Variants in AMPH observed in about 807,000 individuals in gnomAD.
AMPH encodes the protein amphiphysin (Stiff-Mann syndrome with breast cancer 128kD autoantigen).
In AMPH, 49 loss-of-function variants were observed where a neutral mutation model predicts 99.1. The observed-to-expected ratio is 0.49, with a 90% CI of 0.39 to 0.63. The LOEUF (loss-of-function observed/expected upper bound fraction) is 0.63. AMPH is among the 20% of genes least tolerant of loss of function. The pLI, the probability that AMPH is intolerant of heterozygous loss-of-function variation, is 0.00. For missense variants in AMPH, 759 were observed against 863.4 expected (o/e 0.88, Z 1.52); for synonymous variants, 314 against 317.3 (o/e 0.99, Z 0.11).
In AMPH at chr7:38,461,290, G is replaced by T. The variant is rs1391062409; in HGVS notation, c.1010C>A (p.Pro337His). Reference protein sequence around the residue: ...NFVPEISVTTPSQNEVPEVKK... With the variant: ...NFVPEISVTTHSQNEVPEVKK... ...CCTGAACCAGGCACTTACCTGGGAA[G>T]GTGTTGTCACACTGATTTCTGGAAC... The change falls in exon 11 of 21, where the codon CCT becomes CAT. Residue 337 changes from proline to histidine, a missense_variant. Transcript: ENST00000356264. The T allele has an allele frequency of 1.2e-6, 2 of 1,613,688 alleles. No homozygotes were observed. Among genetic ancestry groups the T allele is most frequent in the East Asian group, 4.5e-5 (2 of 44,894 alleles).
intron 2 of AMPH, among the ~76,000 whole-genome samples, chr7:38,527,263 G>C (rs1038793361): frequency 6.6e-6 from 1 of 152,104 alleles, no homozygotes; most frequent in Non-Finnish European, 1.5e-5. Flanking sequence ...GTAAATTTTA[G>C]AATAAGTTTA....
At chr7:38,496,700 G>A (rs780629284) in intron 3 of AMPH, among the ~76,000 whole-genome samples, 3 of 152,104 alleles carry the variant, frequency 2.0e-5, no homozygotes, top group Non-Finnish European at 4.4e-5. Flanking sequence ...CCAAGTACAA[G>A]CAAATCTCTA....
chr7:38,443,953 C>CA (rs962720540), intron 11 of AMPH, among the ~76,000 whole-genome samples: 92 of 151,536 alleles, frequency 6.1e-4, no homozygotes, highest in African/African-American at 2.2e-3. Flanking sequence ...ATAAAATCTA[C>CA]AAAAAAGCTA....
chr7:38,496,269 C>T (rs1212942101), intron 3 of AMPH, among the ~76,000 whole-genome samples: 1 of 152,188 alleles, frequency 6.6e-6, no homozygotes, highest in African/African-American at 2.4e-5. Flanking sequence ...TAAAAGATGT[C>T]TGAAATGACA....
chr7:38,422,328 ATAT>A (rs1785608373), intron 16 of AMPH, 90 bp downstream of exon 16: 1 of 1,024,064 alleles, frequency 9.8e-7, no homozygotes, highest in South Asian at 1.5e-5. Flanking sequence ...CACATTCTGG[ATAT>A]TCAAACTCTA....
intron 1 of AMPH, among the ~76,000 whole-genome samples, chr7:38,621,462 T>A (rs1045022256): frequency 6.6e-6 from 1 of 152,150 alleles, no homozygotes; most frequent in Non-Finnish European, 1.5e-5. Context: ...TTCTACCAAA[T>A]TGACTTGACA....
At chr7:38,525,773 C>A (rs538559643) in intron 2 of AMPH, among the ~76,000 whole-genome samples, 1 of 152,002 alleles carries the variant, frequency 6.6e-6, no homozygotes, top group African/African-American at 2.4e-5. Flanking sequence ...GGTGTGTGGC[C>A]GTAGTTATTT....
chr7:38,480,719 T>C (rs1450251502), intron 5 of AMPH, among the ~76,000 whole-genome samples: 1 of 152,168 alleles, frequency 6.6e-6, no homozygotes, highest in Non-Finnish European at 1.5e-5. Flanking sequence ...CAATTAGGTA[T>C]GGTGAACACC....
intron 5 of AMPH, among the ~76,000 whole-genome samples, chr7:38,482,162 T>C (rs1788307633): frequency 6.6e-6 from 1 of 152,170 alleles, no homozygotes; most frequent in East Asian, 1.9e-4. Context: ...TTATATGGCT[T>C]CACAATTATC....
chr7:38,480,174 T>C lies in AMPH; in HGVS notation c.397-3205A>G, dbSNP rs189763968. Among the ~76,000 whole-genome samples the C allele has an allele frequency of 6.6e-5, 10 of 152,272 alleles. No homozygotes were observed. The East Asian group carries it at 1.9e-3, about 29-fold the overall frequency. On this transcript the variant is annotated intron_variant, in intron 5 of 20. Transcript: ENST00000356264. The stretch of plus-strand genomic sequence containing the variant: ...TCAGGGATTATCTCCATTTTACTTT[T>C]AGGAAATGTGGAGCTGCATGAGATA...
chr7:38,414,514 C>A (rs979434698), intron 17 of AMPH, among the ~76,000 whole-genome samples: 7 of 151,974 alleles, frequency 4.6e-5, no homozygotes, highest in Non-Finnish European at 1.0e-4. Flanking sequence ...TAGAAGGGGC[C>A]TCTTTAGAAA....
intron 11 of AMPH, among the ~76,000 whole-genome samples, chr7:38,439,329 A>G (rs1219235825): frequency 1.3e-5 from 2 of 152,234 alleles, no homozygotes; most frequent in Non-Finnish European, 2.9e-5. Flanking sequence ...CATAATGCCA[A>G]TTGGACTGCC....
rs76240867 is a variant in AMPH at position 38,600,074 on chromosome 7, G to A, written c.69+31209C>T. ...AGAGTGGCCTTTGGATTCAGTCCTC[G>A]CCAAGAGGTAACAAGGTTTTTAAAA... On this transcript the variant is annotated intron_variant, in intron 1 of 20. Coordinates refer to ENST00000356264, the MANE Select transcript of AMPH (RefSeq NM_001635.4). Among the ~76,000 whole-genome samples the A allele has an allele frequency of 4.4e-3, 676 of 152,002 alleles. 8 individuals are homozygous for A. The highest frequency in any genetic ancestry group is 0.015 in the African/African-American group (637 of 41,494).
At chr7:38,603,231 C>T (rs1260391825) in intron 1 of AMPH, among the ~76,000 whole-genome samples, 1 of 150,562 alleles carries the variant, frequency 6.6e-6, no homozygotes, top group Admixed American at 6.6e-5. Context: ...CAGAGGAATC[C>T]CCTGAACCTG....
chr7:38,584,897 A>G (rs1016263883), intron 1 of AMPH, among the ~76,000 whole-genome samples: 2 of 152,226 alleles, frequency 1.3e-5, no homozygotes, highest in African/African-American at 4.8e-5. Context: ...TGTATTTCAA[A>G]TAGCCATCAG....
chr7:38,472,806 G>A (rs896259672), intron 7 of AMPH, among the ~76,000 whole-genome samples: 2 of 152,156 alleles, frequency 1.3e-5, no homozygotes, highest in African/African-American at 4.8e-5. Context: ...CATTTATACT[G>A]CGTATGACCA....
chr7:38,555,450 A>G (rs906093380), intron 1 of AMPH, among the ~76,000 whole-genome samples: 2 of 152,086 alleles, frequency 1.3e-5, no homozygotes, highest in Non-Finnish European at 2.9e-5. Context: ...AGCAGTTCTG[A>G]GCTGATGAAT....
chr7:38,483,919 A>G (rs1278145557), intron 5 of AMPH, among the ~76,000 whole-genome samples: 1 of 152,122 alleles, frequency 6.6e-6, no homozygotes, highest in East Asian at 1.9e-4. Context: ...AAACAAAGTG[A>G]TATAGAAAAT....
At chr7:38,471,030 A>T (rs959370968) in intron 7 of AMPH, among the ~76,000 whole-genome samples, 1 of 152,200 alleles carries the variant, frequency 6.6e-6, no homozygotes, top group Non-Finnish European at 1.5e-5. Flanking sequence ...CCAAGCAAAC[A>T]AAAACTTTCA....
Sources: gnomAD v4.1 joint callset for allele counts (sites outside exome capture counted in the v4.1 genomes callset) on GRCh38, gnomAD v4.1.1 for gene constraint, MANE v1.5 for transcripts, NCBI Gene and HGNC (gene_info 2026-07-23, HGNC 2026-07-21) for gene names.